The following KIF13B variants were observed in gnomAD, a reference collection of about 807,000 sequenced individuals.
KIF13B encodes the protein kinesin-like protein KIF13B.
KIF13B carries 127 observed loss-of-function variants against 222.0 expected under a neutral mutation model. The ratio of observed to expected loss-of-function variants is 0.57; its 90% CI spans 0.50 to 0.66. KIF13B has a LOEUF of 0.66. KIF13B is among the 30% of genes least tolerant of loss of function. KIF13B has a pLI of 0.00. For missense variants in KIF13B, 2,173 were observed against 2,379.0 expected (o/e 0.91, Z 1.80); for synonymous variants, 976 against 919.0 (o/e 1.06, Z -1.12).
At chr8:29,204,603 T>C (rs1388277907) in intron 2 of KIF13B, among the ~76,000 whole-genome samples, 2 of 152,170 alleles carry the variant, frequency 1.3e-5, no homozygotes, top group Admixed American at 6.5e-5. Flanking sequence ...GACTCATTTG[T>C]GGAGGGTTTT....
intron 37 of KIF13B, 65 bp from the exon 38 acceptor site, chr8:29,075,408 G>T: frequency 7.0e-7 from 1 of 1,429,062 alleles, no homozygotes. Context: ...AAAGGTTTCC[G>T]CTGCACAGGC....
intron 14 of KIF13B, among the ~76,000 whole-genome samples, chr8:29,153,818 C>G (rs1008038018): frequency 2.4e-4 from 36 of 152,168 alleles, no homozygotes; most frequent in Admixed American, 1.8e-3. Context: ...CTCTGTAATC[C>G]AAGCCCAGCT....
chr8:29,161,315 T>C (rs1359345086), intron 12 of KIF13B, among the ~76,000 whole-genome samples: 1 of 152,218 alleles, frequency 6.6e-6, no homozygotes, highest in African/African-American at 2.4e-5. Context: ...CACAAGGCCC[T>C]TCAACCTGGC....
intron 29 of KIF13B, among the ~76,000 whole-genome samples, chr8:29,121,054 G>C (rs1415808892): frequency 6.7e-6 from 1 of 148,948 alleles, no homozygotes; most frequent in Non-Finnish European, 1.5e-5. Context: ...AAATTTGTTT[G>C]AGTTCATTGT....
chr8:29,080,628 T>C (rs1050524350), intron 37 of KIF13B, among the ~76,000 whole-genome samples: 2 of 152,198 alleles, frequency 1.3e-5, no homozygotes, highest in Non-Finnish European at 2.9e-5. Context: ...CTGGCAGGTA[T>C]AGTTATTTTA....
intron 2 of KIF13B, among the ~76,000 whole-genome samples, chr8:29,222,599 T>G (rs1814809952): frequency 6.7e-6 from 1 of 149,536 alleles, no homozygotes; most frequent in East Asian, 2.0e-4. Context: ...GGTCAAATAT[T>G]ATTTTTAATC....
Position 29,169,851 on chromosome 8 carries a change from C to T in KIF13B, c.946-2266G>A, listed in dbSNP as rs111406893. 3.2e-3 allele frequency among the ~76,000 whole-genome samples: 492 copies of T among 152,304 alleles called. 4 individuals carry two copies. The highest frequency in any genetic ancestry group is 0.011 in the African/African-American group (461 of 41,570). On this transcript the variant is annotated intron_variant, in intron 10 of 39. Coordinates refer to ENST00000524189, the MANE Select transcript of KIF13B (RefSeq NM_015254.4). ...TCACCATTTGGTTCACTGGCAGCAT[C>T]GCATTGTCCTCTGAGAACCACTGCA... is the stretch of plus-strand genomic sequence containing the variant.
chr8:29,117,053 A>G, intron 30 of KIF13B, 46 bp from the exon 31 acceptor site: 1 of 1,498,286 alleles, frequency 6.7e-7, no homozygotes, highest in Non-Finnish European at 9.0e-7. Flanking sequence ...TTCTCCAGAA[A>G]CATGAAAACT....
chr8:29,241,827 G>A (rs139031936), intron 2 of KIF13B, among the ~76,000 whole-genome samples: 2 of 151,886 alleles, frequency 1.3e-5, no homozygotes, highest in East Asian at 3.9e-4. Flanking sequence ...TATTATTGCA[G>A]TGAAATGCGA....
At chr8:29,171,490 G>T (rs534799845) in intron 10 of KIF13B, among the ~76,000 whole-genome samples, 76 of 152,222 alleles carry the variant, frequency 5.0e-4, no homozygotes, top group African/African-American at 1.7e-3. Flanking sequence ...AAGTTCAATG[G>T]AAATTATGTT....
rs1026876855 is a variant in KIF13B, at chr8:29,070,500, C to T, written c.*4G>A. 7 of 1,609,500 alleles carry T rather than the reference C, an allele frequency of 4.3e-6. No homozygotes were observed. The African/African-American group carries it at 6.7e-5, about 15-fold the overall frequency. ...CCCAGAAAAGTTCGCCCTAAGGCAG[C>T]GGCTCAGCTGGCCCAGGATTTCCGG... On this transcript the variant is annotated 3_prime_UTR_variant, in exon 40 of 40. Coordinates refer to ENST00000524189, the MANE Select transcript of KIF13B (RefSeq NM_015254.4). The surrounding 1 kb of genome is among the most constrained non-coding windows in gnomAD (Gnocchi z 4.1).
chr8:29,256,629 T>G (rs557924605), intron 1 of KIF13B, among the ~76,000 whole-genome samples: 1 of 152,318 alleles, frequency 6.6e-6, no homozygotes, highest in East Asian at 1.9e-4. Context: ...GATAGCAAGA[T>G]CCTCTTAAAG....
At chr8:29,220,850 C>A (rs1268779848) in intron 2 of KIF13B, among the ~76,000 whole-genome samples, 1 of 152,108 alleles carries the variant, frequency 6.6e-6, no homozygotes, top group Non-Finnish European at 1.5e-5. Flanking sequence ...AAAAACATCC[C>A]AGAAAATCTC....
chr8:29,164,531 T>G (rs1304527171), intron 12 of KIF13B, among the ~76,000 whole-genome samples: 1 of 152,244 alleles, frequency 6.6e-6, no homozygotes, highest in Non-Finnish European at 1.5e-5. Context: ...AAACGCTGGC[T>G]GTTACTGCCA....
intron 21 of KIF13B, among the ~76,000 whole-genome samples, chr8:29,139,185 A>G (rs756412713): frequency 3.9e-5 from 6 of 152,182 alleles, no homozygotes; most frequent in Non-Finnish European, 7.3e-5. Flanking sequence ...CCATTAAAAA[A>G]CATGGTATTT....
At chr8:29,203,909 A>AG (rs1554618098) in intron 2 of KIF13B, among the ~76,000 whole-genome samples, 65 of 151,288 alleles carry the variant, frequency 4.3e-4, no homozygotes, top group Admixed American at 4.2e-3. Context: ...AAAAAAAAAA[A>AG]AAAAAGATAG....
intron 2 of KIF13B, among the ~76,000 whole-genome samples, chr8:29,203,029 C>G (rs1813767805): frequency 6.6e-6 from 1 of 152,130 alleles, no homozygotes; most frequent in Non-Finnish European, 1.5e-5. Flanking sequence ...TACATAAAGC[C>G]GAAACTGTTT....
At chr8:29,106,222 C>T (rs1181112059) in intron 35 of KIF13B, among the ~76,000 whole-genome samples, 2 of 152,208 alleles carry the variant, frequency 1.3e-5, no homozygotes, top group Admixed American at 6.5e-5. Flanking sequence ...AGCACACTTA[C>T]AGAAACCCGT....
At chr8:29,145,284 T>A (rs759083144) in intron 18 of KIF13B, among the ~76,000 whole-genome samples, 6 of 152,186 alleles carry the variant, frequency 3.9e-5, no homozygotes, top group Non-Finnish European at 7.3e-5. Flanking sequence ...TTGCCAAATA[T>A]CTAACCCTGT....
Sources: gnomAD v4.1 joint callset for allele counts (sites outside exome capture counted in the v4.1 genomes callset) on GRCh38, gnomAD v4.1.1 for gene constraint, Gnocchi (gnomAD v3.1) non-coding constraint, MANE v1.5 for transcripts, NCBI Gene and HGNC (gene_info 2026-07-23, HGNC 2026-07-21) for gene names.